PCDHGA10: variants seen among roughly 807,000 people sequenced by gnomAD.
PCDHGA10 encodes the protein protocadherin gamma subfamily A, 10.
In PCDHGA10, 42 loss-of-function variants were observed where a neutral mutation model predicts 59.5. That is an observed-to-expected ratio of 0.71 (90% CI 0.55 to 0.91). PCDHGA10 has a LOEUF of 0.91. PCDHGA10 is among the 40% of genes least tolerant of loss of function. The pLI is 0.00. For synonymous variants in PCDHGA10, 511 were observed against 517.2 expected, an observed-to-expected ratio of 0.99 and a Z score of 0.16; for missense variants, 1,111 against 1,198.2, an observed-to-expected ratio of 0.93 and a Z score of 1.07.
In PCDHGA10 at chr5:141,491,679, T is replaced by G. The variant is rs111288145; in HGVS notation, c.2437-3128T>G. 1 of 1,613,496 alleles carries G rather than the reference T, an allele frequency of 6.2e-7. No individual in the cohort carries two copies. Among genetic ancestry groups the G allele is most frequent in the Non-Finnish European group, 8.5e-7 (1 of 1,179,828 alleles). On this transcript the variant is annotated intron_variant, in intron 1 of 3. Coordinates refer to ENST00000398610, the MANE Select transcript of PCDHGA10 (RefSeq NM_018913.3). The surrounding 1 kb of genome is among the most constrained non-coding windows in gnomAD (Gnocchi z 6.9). ...CTGACGCCATCCGGTCCCGCTCTAA[T>G]ACGCTGCGGGAGCGGAGCCAGGTGA...
At chr5:141,496,285 A>G (rs1003747820) in intron 2 of PCDHGA10, among the ~76,000 whole-genome samples, 1 of 152,210 alleles carries the variant, frequency 6.6e-6, no homozygotes, top group Non-Finnish European at 1.5e-5. Flanking sequence ...AGTTGGTCTG[A>G]GCAGAGTGGG....
chr5:141,424,023 A>G (rs1391381195), intron 1 of PCDHGA10: 1 of 1,047,166 alleles, frequency 9.5e-7, no homozygotes, highest in Non-Finnish European at 1.2e-6. Context: ...TGATTCACAA[A>G]CACTTTTTAT....
Position 141,493,022 on chromosome 5 carries a change from G to C in PCDHGA10, c.2437-1785G>C, listed in dbSNP as rs1184742888. On this transcript the variant is annotated intron_variant, in intron 1 of 3. Transcript: ENST00000398610. This position sits in a 1 kb window ranked among gnomAD's most constrained non-coding sequence, Gnocchi z 4.3. Reference sequence around the variant, plus strand: ...GCTATAGGCTCTGCCAGATGCCAGGGTGCCCTTATGTGTGAGGAAACTACA... The same window carrying C: ...GCTATAGGCTCTGCCAGATGCCAGGCTGCCCTTATGTGTGAGGAAACTACA... Among the ~76,000 whole-genome samples the C allele has an allele frequency of 6.6e-6, 1 of 152,222 alleles. No individual in the cohort carries two copies. Among genetic ancestry groups the C allele is most frequent in the Non-Finnish European group, 1.5e-5 (1 of 68,040 alleles).
Position 141,432,503 on chromosome 5 carries a change from G to A in PCDHGA10, c.2436+16892G>A, listed in dbSNP as rs939325676. On this transcript the variant is annotated intron_variant, in intron 1 of 3. Transcript: ENST00000398610. This position sits in a 1 kb window ranked among gnomAD's most constrained non-coding sequence, Gnocchi z 6.0. ...TGGCGTGGAGCTGGCTCCCCGCTCC[G>A]CAGAGCCCGGCTACCTGGTGACCAA... 5 of 1,613,988 alleles carry A rather than the reference G, an allele frequency of 3.1e-6. No individual in the cohort carries two copies. Among genetic ancestry groups the A allele is most frequent in the Non-Finnish European group, 2.5e-6 (3 of 1,180,038 alleles).
chr5:141,499,253 T>C (rs1189676230), intron 2 of PCDHGA10, among the ~76,000 whole-genome samples: 1 of 152,030 alleles, frequency 6.6e-6, no homozygotes, highest in Non-Finnish European at 1.5e-5. Context: ...ACAAAGAGTC[T>C]CCATTTGGTC....
intron 1 of PCDHGA10, chr5:141,424,664 A>T (rs923488035): frequency 6.6e-6 from 1 of 152,124 alleles, no homozygotes; most frequent in African/African-American, 2.4e-5. Flanking sequence ...CTTTAATTAA[A>T]CTGATTTAGC....
At chr5:141,458,730 C>T (rs1239174331) in intron 1 of PCDHGA10, among the ~76,000 whole-genome samples, 1 of 151,928 alleles carries the variant, frequency 6.6e-6, no homozygotes, top group Non-Finnish European at 1.5e-5. Flanking sequence ...CCACCACATC[C>T]AGCTATTGGT....
In PCDHGA10 at chr5:141,486,194, C is replaced by A. The variant is rs1248456800; in HGVS notation, c.2437-8613C>A. The A allele has an allele frequency of 6.2e-7, 1 of 1,614,196 alleles. No individual in the cohort carries two copies. Among genetic ancestry groups the A allele is most frequent in the Non-Finnish European group, 8.5e-7 (1 of 1,180,026 alleles). ...ACATTGCAGCCTTCGAGTGGATCTG[C>A]TGGACGTAAATGACAATGCCCCTTA... On this transcript the variant is annotated intron_variant, in intron 1 of 3. Transcript: ENST00000398610. The surrounding 1 kb of genome is among the most constrained non-coding windows in gnomAD (Gnocchi z 5.0).
At chr5:141,425,695 T>G (rs1329762653) in intron 1 of PCDHGA10, among the ~76,000 whole-genome samples, 1 of 152,232 alleles carries the variant, frequency 6.6e-6, no homozygotes, top group African/African-American at 2.4e-5. Context: ...TATCATTTCA[T>G]AGTGGTCAAA....
Position 141,463,645 on chromosome 5 carries a change from G to T in PCDHGA10, c.2437-31162G>T, listed in dbSNP as rs372962993. ...TTGTATTTTGTTTAGTAGAGACGGG[G>T]TTTCACCGTGTTAGCCAGGATGGTC... On this transcript the variant is annotated intron_variant, in intron 1 of 3. Transcript: ENST00000398610. 7.9e-5 allele frequency among the ~76,000 whole-genome samples: 12 copies of T among 151,840 alleles called. No individual in the cohort carries two copies. In the East Asian group the frequency reaches 2.1e-3, roughly 27 times the overall value.
In PCDHGA10 at chr5:141,491,406, C is replaced by G. The variant is rs773729429; in HGVS notation, c.2437-3401C>G. On this transcript the variant is annotated intron_variant, in intron 1 of 3. Transcript: ENST00000398610. This position sits in a 1 kb window ranked among gnomAD's most constrained non-coding sequence, Gnocchi z 6.9. ...CGAAGTGCCTTCAGGGAAACGCAGA[C>G]GGGGACGGGGGTGGAGGGCAGTGCT... 9 of 1,613,978 alleles carry G rather than the reference C, an allele frequency of 5.6e-6. No homozygotes were observed.
At position 141,490,954 on chromosome 5, in the gene PCDHGA10, G is replaced by A. The variant is rs749646808; in HGVS notation, c.2437-3853G>A. On this transcript the variant is annotated intron_variant, in intron 1 of 3. Coordinates refer to ENST00000398610, the MANE Select transcript of PCDHGA10 (RefSeq NM_018913.3). This position sits in a 1 kb window ranked among gnomAD's most constrained non-coding sequence, Gnocchi z 5.4. ...TGTGCTGCACCCACGGCCAGACTGGGAACACTCAGCCCCCCAGCGTCTCCC... is the reference window on the plus strand; with the variant it reads ...TGTGCTGCACCCACGGCCAGACTGGAAACACTCAGCCCCCCAGCGTCTCCC... 9 of 1,613,662 alleles carry A rather than the reference G, an allele frequency of 5.6e-6. No individual in the cohort carries two copies. The African/African-American group carries it at 8.0e-5, about 14-fold the overall frequency.
chr5:141,483,903 G>C (rs1167942546), intron 1 of PCDHGA10, among the ~76,000 whole-genome samples: 1 of 151,282 alleles, frequency 6.6e-6, no homozygotes, highest in Admixed American at 6.6e-5. Context: ...GCTCTGGTGT[G>C]TTTCCCACTC....
Position 141,430,721 on chromosome 5 carries a change from T to C in PCDHGA10, c.2436+15110T>C, listed in dbSNP as rs2097305223. The C allele has an allele frequency of 3.4e-6, 5 of 1,489,270 alleles. No homozygotes were observed. The South Asian group carries it at 7.3e-5, about 22-fold the overall frequency. 92.3% of individuals were successfully genotyped at this position (1,489,270 alleles called of 1,614,324 possible). A position where few individuals can be genotyped will look rare whatever the true frequency, so the allele number is the denominator to read the frequency against. On this transcript the variant is annotated intron_variant, in intron 1 of 3. Coordinates refer to ENST00000398610, the MANE Select transcript of PCDHGA10 (RefSeq NM_018913.3). ...AGGAACTGCTCCTGACTTCAGTGGT[T>C]AAGGGCAGAATTGAAAATAATTCTG...
rs1448512468 is a variant in PCDHGA10 at position 141,414,280 on chromosome 5, G to A, written c.1105G>A (p.Val369Ile). The A allele has an allele frequency of 1.2e-6, 2 of 1,613,604 alleles. No individual in the cohort carries two copies. Among genetic ancestry groups the A allele is most frequent in the Admixed American group, 1.7e-5 (1 of 59,988 alleles). The change falls in exon 1 of 4, where the codon GTC becomes ATC. Residue 369 changes from valine to isoleucine, a missense_variant. Val to Ile is a conservative substitution (Grantham distance 29, BLOSUM62 3). Coordinates refer to ENST00000398610, the MANE Select transcript of PCDHGA10 (RefSeq NM_018913.3). ...PVTEDSPLGT[V>I]VALLNVHDLD... ...GACTGAAGATTCACCTCTGGGAACA[G>A]TCGTAGCCCTTTTAAATGTGCATGA...
rs1424346887 is a variant in PCDHGA10, at chr5:141,489,602, T to C, written c.2437-5205T>C. ...CCCCTGGAGCTAATCCGTGTAGAGG[T>C]AGAGATCCTGGATCTCAATGACAAC... On this transcript the variant is annotated intron_variant, in intron 1 of 3. Coordinates refer to ENST00000398610, the MANE Select transcript of PCDHGA10 (RefSeq NM_018913.3). The surrounding 1 kb of genome is among the most constrained non-coding windows in gnomAD (Gnocchi z 4.5). The C allele has an allele frequency of 5.6e-6, 9 of 1,613,754 alleles. No homozygotes were observed. In the African/African-American group the frequency reaches 6.7e-5, roughly 12 times the overall value.
chr5:141,505,324 G>A, intron 2 of PCDHGA10, 69 bp from the exon 3 acceptor site: 2 of 1,607,104 alleles, frequency 1.2e-6, no homozygotes, highest in African/African-American at 1.3e-5. Context: ...GGAGCCCTGG[G>A]AGAGGACAGG....
rs1038159413 is a variant in PCDHGA10, at chr5:141,413,903, C to T, written c.728C>T (p.Ala243Val). The change falls in exon 1 of 4, where the codon GCG becomes GTG. Residue 243 changes from alanine to valine, a missense_variant. Physicochemically the swap from Ala to Val is moderately conservative, Grantham distance 64 (BLOSUM62 0). Coordinates refer to ENST00000398610, the MANE Select transcript of PCDHGA10 (RefSeq NM_018913.3). ...ACTGTCTTCGATGCAAATGACAACG[C>T]GCCGGTCTTCACCTTGCCAGAATAC... ...SVTVFDANDNAPVFTLPEYRV... is the reference protein window; with the variant it reads ...SVTVFDANDNVPVFTLPEYRV... 2.5e-6 allele frequency: 4 copies of T among 1,613,308 alleles called. No homozygotes were observed. The highest frequency in any genetic ancestry group is 3.4e-6 in the Non-Finnish European group (4 of 1,179,872).
rs376415955 is a variant in PCDHGA10, at chr5:141,432,082, C to T, written c.2436+16471C>T. ...CCACGGAAACTCATATCTCGCTGAACGTGGCAGACACCAACGACAACCCGC... is the reference window on the plus strand; with the variant it reads ...CCACGGAAACTCATATCTCGCTGAATGTGGCAGACACCAACGACAACCCGC... On this transcript the variant is annotated intron_variant, in intron 1 of 3. Transcript: ENST00000398610. This position sits in a 1 kb window ranked among gnomAD's most constrained non-coding sequence, Gnocchi z 6.0. The T allele has an allele frequency of 3.1e-6, 5 of 1,614,184 alleles. No homozygotes were observed. Among genetic ancestry groups the T allele is most frequent in the Non-Finnish European group, 4.2e-6 (5 of 1,180,028 alleles).
Sources: gnomAD v4.1 joint callset for allele counts (sites outside exome capture counted in the v4.1 genomes callset) on GRCh38, gnomAD v4.1.1 for gene constraint, Gnocchi (gnomAD v3.1) non-coding constraint, MANE v1.5 for transcripts, NCBI Gene and HGNC (gene_info 2026-07-23, HGNC 2026-07-21) for gene names.